LRRC4C: variants seen among roughly 807,000 people sequenced by gnomAD.
The protein encoded by LRRC4C is leucine rich repeat containing 4C, also known as leucine-rich repeat-containing protein 4C.
Under a neutral mutation model 33.6 loss-of-function variants are expected in LRRC4C, and 5 were observed. The ratio of observed to expected loss-of-function variants is 0.15; its 90% CI spans 0.08 to 0.31. The LOEUF is 0.31. LRRC4C is among the 10% of genes least tolerant of loss of function. The pLI, the probability that LRRC4C is intolerant of heterozygous loss-of-function variation, is 1.00. For synonymous variants in LRRC4C, 329 were observed against 302.0 expected, an observed-to-expected ratio of 1.09 and a Z score of -0.93; for missense variants, 560 against 796.7, an observed-to-expected ratio of 0.70 and a Z score of 3.58.
chr11:40,990,959 T>C (rs1018575861), intron 1 of LRRC4C, among the ~76,000 whole-genome samples: 2 of 151,926 alleles, frequency 1.3e-5, no homozygotes, highest in Non-Finnish European at 2.9e-5. Flanking sequence ...GATGGACTAG[T>C]TCCTGTTTTT....
chr11:40,965,792 T>C (rs979501136), intron 1 of LRRC4C, among the ~76,000 whole-genome samples: 1 of 152,008 alleles, frequency 6.6e-6, no homozygotes, highest in African/African-American at 2.4e-5. Context: ...TAGTTTGAAG[T>C]CAGGTAGCGT....
chr11:41,147,318 T>A (rs1218612192), intron 1 of LRRC4C, among the ~76,000 whole-genome samples: 2 of 152,210 alleles, frequency 1.3e-5, no homozygotes, highest in Non-Finnish European at 2.9e-5. Flanking sequence ...CTGCTATTCC[T>A]GTTCATCAAT....
chr11:41,168,583 G>A (rs761411062), intron 1 of LRRC4C, among the ~76,000 whole-genome samples: 21 of 151,804 alleles, frequency 1.4e-4, no homozygotes, highest in Non-Finnish European at 2.9e-4. Flanking sequence ...GGTGAAGACA[G>A]GATAGGCCTT....
chr11:40,930,110 G>GA (rs1444059579), intron 2 of LRRC4C, among the ~76,000 whole-genome samples: 1 of 152,124 alleles, frequency 6.6e-6, no homozygotes, highest in Admixed American at 6.5e-5. Context: ...GCTAATAAGA[G>GA]AAAAAGACTT....
rs973960624 is a variant in LRRC4C at position 41,360,137 on chromosome 11, C to T, written c.-496+99294G>A. 4.6e-5 allele frequency among the ~76,000 whole-genome samples: 7 copies of T among 152,210 alleles called. No homozygotes were observed. The East Asian group carries it at 7.8e-4, about 17-fold the overall frequency. ...GGCGGAGGTGGCAGTGAGCGGAGAT[C>T]GCGCCACTGCACTCCAGCCTGGATG... is the stretch of plus-strand genomic sequence containing the variant. On this transcript the variant is annotated intron_variant, in intron 1 of 6. Coordinates refer to ENST00000528697, the MANE Select transcript of LRRC4C (RefSeq NM_001258419.2).
intron 2 of LRRC4C, among the ~76,000 whole-genome samples, chr11:40,680,311 A>T (rs1464169975): frequency 1.3e-5 from 2 of 152,132 alleles, no homozygotes; most frequent in African/African-American, 4.8e-5. Flanking sequence ...GAGACTTTGG[A>T]CTGTGGACTG....
chr11:40,602,015 C>A (rs1960050384), intron 3 of LRRC4C, among the ~76,000 whole-genome samples: 1 of 144,758 alleles, frequency 6.9e-6, no homozygotes, highest in Admixed American at 7.2e-5. Flanking sequence ...ATGGTGAAAA[C>A]CCTTCTCTAC....
chr11:40,156,969 C>T (rs1173395942), intron 5 of LRRC4C, among the ~76,000 whole-genome samples: 1 of 151,976 alleles, frequency 6.6e-6, no homozygotes, highest in African/African-American at 2.4e-5. Context: ...CAAGACTAAG[C>T]AAAAAGAACA....
intron 3 of LRRC4C, among the ~76,000 whole-genome samples, chr11:40,347,560 C>T (rs987621851): frequency 7.9e-5 from 12 of 152,078 alleles, no homozygotes; most frequent in African/African-American, 2.9e-4. Context: ...TTCTAGCTTT[C>T]GATTTAATGT....
intron 1 of LRRC4C, among the ~76,000 whole-genome samples, chr11:41,260,803 T>C (rs11036327): frequency 0.045 from 6,902 of 152,058 alleles, 198 homozygotes; most frequent in South Asian, 0.074. Flanking sequence ...GATAACCTCA[T>C]TCATACCACA....
chr11:41,310,124 G>A (rs1950606579), intron 1 of LRRC4C, among the ~76,000 whole-genome samples: 1 of 152,180 alleles, frequency 6.6e-6, no homozygotes, highest in Admixed American at 6.5e-5. Flanking sequence ...ACTAGTATAA[G>A]CAGAAAATCC....
chr11:40,281,119 T>C (rs1943445675), intron 4 of LRRC4C, among the ~76,000 whole-genome samples: 1 of 152,084 alleles, frequency 6.6e-6, no homozygotes, highest in Non-Finnish European at 1.5e-5. Context: ...TTGAAAAACA[T>C]GTAACTTCTG....
intron 3 of LRRC4C, among the ~76,000 whole-genome samples, chr11:40,400,243 G>A (rs893729235): frequency 2.0e-5 from 3 of 152,080 alleles, no homozygotes; most frequent in Non-Finnish European, 4.4e-5. Context: ...TTGCAGCATA[G>A]GCTGCAAAAT....
chr11:40,482,155 T>C (rs1953604381), intron 3 of LRRC4C, among the ~76,000 whole-genome samples: 1 of 152,184 alleles, frequency 6.6e-6, no homozygotes, highest in Non-Finnish European at 1.5e-5. Flanking sequence ...TGGTCTTCCG[T>C]GGCTGGAAAG....
intron 3 of LRRC4C, among the ~76,000 whole-genome samples, chr11:40,466,480 T>C (rs544167030): frequency 4.4e-4 from 67 of 151,988 alleles, no homozygotes; most frequent in African/African-American, 1.6e-3. Flanking sequence ...GCTTGGAAAA[T>C]AAAGGCAGGC....
intron 3 of LRRC4C, among the ~76,000 whole-genome samples, chr11:40,455,945 A>G (rs898256419): frequency 1.3e-5 from 2 of 152,140 alleles, no homozygotes; most frequent in African/African-American, 4.8e-5. Context: ...TACACGGTAA[A>G]TGTTCCAATG....
intron 5 of LRRC4C, among the ~76,000 whole-genome samples, chr11:40,152,675 C>A (rs922671150): frequency 2.0e-5 from 3 of 152,048 alleles, no homozygotes; most frequent in African/African-American, 4.8e-5. Flanking sequence ...AGCTTTCCCC[C>A]ACTTAGCTGA....
intron 5 of LRRC4C, among the ~76,000 whole-genome samples, chr11:40,157,736 A>G (rs7949945): frequency 0.032 from 4,829 of 152,296 alleles, 78 homozygotes; most frequent in South Asian, 0.053. Flanking sequence ...AAGAATGGCC[A>G]TAATCAAAAA....
At chr11:40,590,517 G>T (rs1390379542) in intron 3 of LRRC4C, among the ~76,000 whole-genome samples, 1 of 152,102 alleles carries the variant, frequency 6.6e-6, no homozygotes, top group Non-Finnish European at 1.5e-5. Context: ...TCCGTTGCTG[G>T]TGAGGAACTG....
Sources: allele counts gnomAD v4.1 joint callset (sites outside exome capture counted in the v4.1 genomes callset), GRCh38; gene constraint gnomAD v4.1.1; transcripts MANE v1.5; gene names NCBI Gene and HGNC (gene_info 2026-07-23, HGNC 2026-07-21).